HAS2: variants seen among roughly 807,000 people sequenced by gnomAD.
The protein encoded by HAS2 is HA synthase 2.
Under a neutral mutation model 51.6 loss-of-function variants are expected in HAS2, and 16 were observed. The observed-to-expected ratio is 0.31, with a 90% CI of 0.21 to 0.47. HAS2 has a LOEUF of 0.47. Ranked by LOEUF, HAS2 falls within the 20% of genes least tolerant of loss-of-function variation. The pLI is 1.00. For missense variants in HAS2, 361 were observed against 662.6 expected (o/e 0.54, Z 5.00); for synonymous variants, 228 against 235.5 (o/e 0.97, Z 0.29).
At chr8:121,626,522 G>A (rs955779897) in intron 2 of HAS2, among the ~76,000 whole-genome samples, 1 of 152,080 alleles carries the variant, frequency 6.6e-6, no homozygotes, top group South Asian at 2.1e-4. Flanking sequence ...CCTGAACTTT[G>A]TTTCCTTCTT....
rs752043404 is a variant in HAS2 at position 121,614,553 on chromosome 8, G to A, written c.1215C>T (p.Asn405=). 22 of 1,613,998 alleles carry A rather than the reference G, an allele frequency of 1.4e-5. No individual in the cohort carries two copies. The highest frequency in any genetic ancestry group is 1.8e-5 in the Non-Finnish European group (21 of 1,179,962). ...GGACAGTTAACAAGAAGAGGAGAAT[G>A]TTCCAAATTTTACCCCGGTAGAAGA... ...IQLFYRGKIW[N]ILLFLLTVQL... The change falls in exon 4 of 4, where the codon AAC becomes AAT. Residue 405 remains asparagine (N), a synonymous_variant. Transcript: ENST00000303924. The surrounding 1 kb of genome is among the most constrained non-coding windows in gnomAD (Gnocchi z 7.2).
At position 121,613,942 on chromosome 8, in the gene HAS2, T is replaced by C; in HGVS notation, c.*167A>G. 1 of 914,244 alleles carries C rather than the reference T, an allele frequency of 1.1e-6. No homozygotes were observed. The highest frequency in any genetic ancestry group is 1.7e-6 in the Non-Finnish European group (1 of 603,602). The allele number at this position is 914,244 out of a possible 1,614,324, so 56.6% of individuals were successfully genotyped here. On this transcript the variant is annotated 3_prime_UTR_variant, in exon 4 of 4. Transcript: ENST00000303924. Reference sequence around the variant, plus strand: ...ATCTGAGTTTCTTCTTGTTGATGTATTGTTTTACTTTGGCAGAATGAAAAT... The same window carrying C: ...ATCTGAGTTTCTTCTTGTTGATGTACTGTTTTACTTTGGCAGAATGAAAAT...
chr8:121,613,573 T>C lies in HAS2; in HGVS notation c.*536A>G, dbSNP rs550292883. 1 of 152,810 alleles carries C rather than the reference T, an allele frequency of 6.5e-6. No individual in the cohort carries two copies. Among genetic ancestry groups the C allele is most frequent in the South Asian group, 2.1e-4 (1 of 4,832 alleles). The allele number at this position is 152,810 out of a possible 1,614,324, so 9.5% of individuals were successfully genotyped here. ...TAAAATAGAGAATATGCAAAATTTGTCTTTAAGATTGGCATACAAAATTTA... is the reference window on the plus strand; with the variant it reads ...TAAAATAGAGAATATGCAAAATTTGCCTTTAAGATTGGCATACAAAATTTA... On this transcript the variant is annotated 3_prime_UTR_variant, in exon 4 of 4. Coordinates refer to ENST00000303924, the MANE Select transcript of HAS2 (RefSeq NM_005328.3).
chr8:121,613,920 T>C lies in HAS2; in HGVS notation c.*189A>G. 1 of 774,510 alleles carries C rather than the reference T, an allele frequency of 1.3e-6. No individual in the cohort carries two copies. Among genetic ancestry groups the C allele is most frequent in the Non-Finnish European group, 2.1e-6 (1 of 487,744 alleles). The allele number at this position is 774,510 out of a possible 1,614,324, so 48.0% of individuals were successfully genotyped here. ...TTTCATAGAAATAACAGGTTAAATC[T>C]GAGTTTCTTCTTGTTGATGTATTGT... On this transcript the variant is annotated 3_prime_UTR_variant, in exon 4 of 4. Coordinates refer to ENST00000303924, the MANE Select transcript of HAS2 (RefSeq NM_005328.3).
intron 1 of HAS2, among the ~76,000 whole-genome samples, chr8:121,635,656 G>A (rs1002595590): frequency 8.5e-5 from 13 of 152,168 alleles, no homozygotes; most frequent in Admixed American, 1.3e-4. Flanking sequence ...GTACACTTGC[G>A]CCTCTTATTC....
chr8:121,621,195 T>C (rs759555620), intron 2 of HAS2, among the ~76,000 whole-genome samples: 1 of 152,226 alleles, frequency 6.6e-6, no homozygotes, highest in Non-Finnish European at 1.5e-5. Context: ...AAGTTGAGAT[T>C]AAATATGTTT....
rs397728062 is a variant in HAS2 at position 121,637,390 on chromosome 8, C to CTTTTTTTTTTTT, written c.-1+3451_-1+3462dup. Reference sequence around the variant, plus strand: ...CCACATGACTACCATTCAAAATAGACTTTTTTTTTTTTTTTTTTGAGATAG... The same window carrying CTTTTTTTTTTTT: ...CCACATGACTACCATTCAAAATAGACTTTTTTTTTTTTTTTTTTTTTTTTTTTTTTGAGATAG... On this transcript the variant is annotated intron_variant, in intron 1 of 3. Coordinates refer to ENST00000303924, the MANE Select transcript of HAS2 (RefSeq NM_005328.3). Among the ~76,000 whole-genome samples the CTTTTTTTTTTTT allele has an allele frequency of 3.1e-5, 4 of 130,774 alleles. 1 individual carries two copies. The highest frequency in any genetic ancestry group is 4.8e-5 in the Non-Finnish European group (3 of 63,036). The allele number at this position is 130,774 out of a possible 152,430, so 85.8% of individuals were successfully genotyped here. A position where few individuals can be genotyped will look rare whatever the true frequency, so the allele number is the denominator to read the frequency against.
In HAS2 at chr8:121,630,028, A is replaced by C. The variant is rs58448099; in HGVS notation, c.1-688T>G. ...ATTTTTGAAGTCCTCACTGACACTAAAAATCTTCCATCCCTAAGTACCCTG... is the reference window on the plus strand; with the variant it reads ...ATTTTTGAAGTCCTCACTGACACTACAAATCTTCCATCCCTAAGTACCCTG... On this transcript the variant is annotated intron_variant, in intron 1 of 3. Coordinates refer to ENST00000303924, the MANE Select transcript of HAS2 (RefSeq NM_005328.3). Among the ~76,000 whole-genome samples, 1,324 of 152,198 alleles carry C rather than the reference A, an allele frequency of 8.7e-3. 18 individuals carry two copies. The highest frequency in any genetic ancestry group is 0.03 in the African/African-American group (1,249 of 41,510).
At chr8:121,636,499 AGGGTTAGTATACAAG>A (rs1813011241) in intron 1 of HAS2, among the ~76,000 whole-genome samples, 1 of 152,124 alleles carries the variant, frequency 6.6e-6, no homozygotes, top group Non-Finnish European at 1.5e-5. Flanking sequence ...CCAAGCTTCC[AGGGTTAGTATACAAG>A]CCTTTTTTAC....
chr8:121,625,077 G>C (rs1361450956), intron 2 of HAS2, among the ~76,000 whole-genome samples: 39 of 113,056 alleles, frequency 3.4e-4, no homozygotes, highest in Admixed American at 1.3e-4. Flanking sequence ...CAGCCTGGGC[G>C]AAAGAGCGAG....
Position 121,617,133 on chromosome 8 carries a change from A to G in HAS2, c.701T>C (p.Met234Thr), listed in dbSNP as rs569812163. The G allele has an allele frequency of 9.9e-6, 16 of 1,609,160 alleles. No individual in the cohort carries two copies. In the South Asian group the frequency reaches 1.5e-4, roughly 15 times the overall value. Residue 234 changes from methionine to threonine, a missense_variant, in exon 3 of 4, where the codon ATG becomes ACG. Physicochemically the swap from Met to Thr is moderately conservative, Grantham distance 81. This residue lies in a region of HAS2 where 49 missense variants were observed against 108.3 expected (regional missense o/e 0.45). Coordinates refer to ENST00000303924, the MANE Select transcript of HAS2 (RefSeq NM_005328.3). Reference protein sequence around the residue: ...EMVKVLEEDPMVGGVGGDVQI... With the variant: ...EMVKVLEEDPTVGGVGGDVQI... Reference sequence around the variant, plus strand: ...GACATCTCCCCCAACACCTCCAACCATGGGATCTTCTTCTAAAACTTTTAC... The same window carrying G: ...GACATCTCCCCCAACACCTCCAACCGTGGGATCTTCTTCTAAAACTTTTAC...
intron 1 of HAS2, among the ~76,000 whole-genome samples, chr8:121,630,909 G>A (rs923627675): frequency 6.6e-6 from 1 of 152,082 alleles, no homozygotes; most frequent in South Asian, 2.1e-4. Flanking sequence ...AGGTCCTAAG[G>A]GGATCTGCAC....
chr8:121,617,623 C>T lies in HAS2; in HGVS notation c.628-417G>A, dbSNP rs1182266477. Among the ~76,000 whole-genome samples, 4 of 152,090 alleles carry T rather than the reference C, an allele frequency of 2.6e-5. No individual in the cohort carries two copies. The East Asian group carries it at 7.7e-4, about 29-fold the overall frequency. On this transcript the variant is annotated intron_variant, in intron 2 of 3. Transcript: ENST00000303924. Reference sequence around the variant, plus strand: ...TGTTTTCTTGTTACCTTCAATAAGGCTTTTAGGCCTTTTTGTCTTTCAGGT... The same window carrying T: ...TGTTTTCTTGTTACCTTCAATAAGGTTTTTAGGCCTTTTTGTCTTTCAGGT...
intron 2 of HAS2, among the ~76,000 whole-genome samples, chr8:121,623,553 T>C (rs946182050): frequency 1.1e-4 from 16 of 152,214 alleles, no homozygotes; most frequent in African/African-American, 3.6e-4. Flanking sequence ...ATGAAAATTC[T>C]GATATCCCTT....
Position 121,614,070 on chromosome 8 carries a change from A to T in HAS2, c.*39T>A. On this transcript the variant is annotated 3_prime_UTR_variant, in exon 4 of 4. Coordinates refer to ENST00000303924, the MANE Select transcript of HAS2 (RefSeq NM_005328.3). The surrounding 1 kb of genome is among the most constrained non-coding windows in gnomAD (Gnocchi z 7.2). ...TACTGTACAGCCCCTAGAGGAACTA[A>T]GGTGTTGTGTGTGACTGCAAACGTC... 6.2e-7 allele frequency: 1 copy of T among 1,613,530 alleles called. No homozygotes were observed. The highest frequency in any genetic ancestry group is 8.5e-7 in the Non-Finnish European group (1 of 1,179,874).
chr8:121,633,898 TTTTG>T (rs200491552), intron 1 of HAS2, among the ~76,000 whole-genome samples: 5,142 of 100,968 alleles, frequency 0.051, 331 homozygotes, highest in African/African-American at 0.16. Flanking sequence ...TACCCTAGTT[TTTTG>T]TTTTTTTGGG....
rs367570151 is a variant in HAS2, at chr8:121,614,278, T to G, written c.1490A>C (p.Tyr497Ser). ...ILLGGVIFTI[Y>S]KESKRPFSES... The stretch of plus-strand genomic sequence containing the variant: ...TGAAAATGGCCTTTTAGACTCCTTA[T>G]AAATGGTGAAAATCACACCACCCAG... Residue 497 changes from tyrosine (Y) to serine (S), a missense_variant, in exon 4 of 4, where the codon TAT becomes TCT. Tyr to Ser is a moderately radical substitution (Grantham distance 144). Transcript: ENST00000303924. This position sits in a 1 kb window ranked among gnomAD's most constrained non-coding sequence, Gnocchi z 7.2. 60 of 1,614,020 alleles carry G rather than the reference T, an allele frequency of 3.7e-5. No homozygotes were observed. Among genetic ancestry groups the G allele is most frequent in the Non-Finnish European group, 5.0e-5 (59 of 1,179,970 alleles).
intron 1 of HAS2, among the ~76,000 whole-genome samples, chr8:121,638,902 T>C: frequency 6.6e-6 from 1 of 152,214 alleles, no homozygotes; most frequent in South Asian, 2.1e-4. Flanking sequence ...AAATTGTATC[T>C]ACAAAGAGGT....
intron 2 of HAS2, among the ~76,000 whole-genome samples, chr8:121,620,780 A>C (rs1812764657): frequency 6.6e-6 from 1 of 152,182 alleles, no homozygotes; most frequent in Non-Finnish European, 1.5e-5. Context: ...ACCAAGGCCT[A>C]CTGGTCAAGT....
Sources: gnomAD v4.1 joint callset for allele counts (sites outside exome capture counted in the v4.1 genomes callset) on GRCh38, gnomAD v4.1.1 for gene constraint, gnomAD v4.1.1 regional missense constraint, Gnocchi (gnomAD v3.1) non-coding constraint, MANE v1.5 for transcripts, NCBI Gene and HGNC (gene_info 2026-07-23, HGNC 2026-07-21) for gene names.